LNPEP: variants seen among roughly 807,000 people sequenced by gnomAD.
The protein encoded by LNPEP is leucyl and cystinyl aminopeptidase.
LNPEP carries 64 observed loss-of-function variants against 120.6 expected under a neutral mutation model. The ratio of observed to expected loss-of-function variants is 0.53; its 90% CI spans 0.43 to 0.65. LNPEP has a LOEUF of 0.65. Among genes scored for constraint, LNPEP ranks in the 30% least tolerant of loss-of-function variants. The probability of loss-of-function intolerance (pLI) is 0.00; values close to 1 mark genes in which losing one functional copy is unlikely to be tolerated. For synonymous variants in LNPEP, 435 were observed against 425.4 expected, an observed-to-expected ratio of 1.02 and a Z score of -0.28; for missense variants, 1,057 against 1,200.0, an observed-to-expected ratio of 0.88 and a Z score of 1.76.
At chr5:96,993,417 C>T (rs1350974192) in intron 5 of LNPEP, among the ~76,000 whole-genome samples, 1 of 152,070 alleles carries the variant, frequency 6.6e-6, no homozygotes. Flanking sequence ...TTCTAACTTC[C>T]AAGAAATACC....
At chr5:96,976,246 A>G (rs1789990433) in intron 1 of LNPEP, among the ~76,000 whole-genome samples, 1 of 140,570 alleles carries the variant, frequency 7.1e-6, no homozygotes, top group African/African-American at 2.5e-5. Context: ...TTGTGCATAC[A>G]AAAAAAAAAC....
At chr5:96,981,736 C>T (rs1008818175) in intron 2 of LNPEP, among the ~76,000 whole-genome samples, 1 of 152,098 alleles carries the variant, frequency 6.6e-6, no homozygotes, top group African/African-American at 2.4e-5. Flanking sequence ...GGGAACTTAC[C>T]TTTACCCATG....
chr5:96,999,370 G>A (rs1156274710), intron 8 of LNPEP, among the ~76,000 whole-genome samples: 1 of 152,154 alleles, frequency 6.6e-6, no homozygotes, highest in African/African-American at 2.4e-5. Context: ...AAGTATTAGT[G>A]ACAGGGTAAG....
At position 96,983,967 on chromosome 5, in the gene LNPEP, TTCTTAATAA is replaced by T. The variant is rs372123710; in HGVS notation, c.861-1108_861-1100del. Among the ~76,000 whole-genome samples the T allele has an allele frequency of 9.1e-3, 1,388 of 152,304 alleles. 23 individuals are homozygous for T. The highest frequency in any genetic ancestry group is 0.031 in the African/African-American group (1,305 of 41,556). ...AATTCGCAGCAATTAATGACCACCC[TTCTTAATAA>T]TCTTCCATCAGAAACCTTTTTAAGA... On this transcript the variant is annotated intron_variant, in intron 2 of 17. Coordinates refer to ENST00000231368, the MANE Select transcript of LNPEP (RefSeq NM_005575.3).
intron 1 of LNPEP, 147 bp from the exon 2 acceptor site, chr5:96,978,991 A>T: frequency 2.5e-6 from 2 of 792,976 alleles, no homozygotes. Flanking sequence ...CATCTTATTT[A>T]ATTCAGTAGC....
At chr5:96,969,009 G>C (rs1789796044) in intron 1 of LNPEP, among the ~76,000 whole-genome samples, 1 of 152,032 alleles carries the variant, frequency 6.6e-6, no homozygotes, top group Non-Finnish European at 1.5e-5. Context: ...GTTTCACATA[G>C]CTGTGACCTG....
At chr5:97,012,323 C>T (rs1790951786) in intron 11 of LNPEP, among the ~76,000 whole-genome samples, 2 of 152,078 alleles carry the variant, frequency 1.3e-5, no homozygotes, top group Admixed American at 1.3e-4. Context: ...ATGCTATCAT[C>T]GTCTGAGTTT....
chr5:96,936,349 GGGC>G, intron 1 of LNPEP, 175 bp downstream of exon 1: 1 of 450,858 alleles, frequency 2.2e-6, no homozygotes, highest in Non-Finnish European at 3.7e-6. Context: ...TTCGGGGGGC[GGGC>G]GGCGGCCAGT....
At chr5:96,970,885 T>C (rs549210858) in intron 1 of LNPEP, among the ~76,000 whole-genome samples, 1 of 152,162 alleles carries the variant, frequency 6.6e-6, no homozygotes, top group South Asian at 2.1e-4. Context: ...TTAAAGATAG[T>C]CTTTTAAGGA....
chr5:96,958,454 C>G, intron 1 of LNPEP: 1 of 985,444 alleles, frequency 1.0e-6, no homozygotes, highest in Non-Finnish European at 1.2e-6. Flanking sequence ...TGGGCAAGCT[C>G]CTAACTCCAC....
chr5:96,999,678 A>G (rs763605280), intron 8 of LNPEP, among the ~76,000 whole-genome samples: 3 of 152,182 alleles, frequency 2.0e-5, no homozygotes, highest in Non-Finnish European at 1.5e-5. Flanking sequence ...GTCATAACAG[A>G]GTTCTGTCTG....
chr5:96,989,266 GAT>G (rs1335689158), intron 4 of LNPEP, among the ~76,000 whole-genome samples: 4 of 135,728 alleles, frequency 2.9e-5, no homozygotes, highest in African/African-American at 8.2e-5. Flanking sequence ...GTGTATATAT[GAT>G]ATATATATTA....
At chr5:96,960,020 C>T (rs1338132494) in intron 1 of LNPEP, among the ~76,000 whole-genome samples, 1 of 147,764 alleles carries the variant, frequency 6.8e-6, no homozygotes, top group African/African-American at 2.5e-5. Context: ...CTCACCACAA[C>T]CTCTGCCTCC....
At chr5:96,946,220 A>T (rs79614094) in intron 1 of LNPEP, among the ~76,000 whole-genome samples, 5,714 of 152,360 alleles carry the variant, frequency 0.038, 186 homozygotes, top group Middle Eastern at 0.11. Flanking sequence ...ACTCAAACTG[A>T]ACAATAGAGT....
In LNPEP at chr5:97,007,734, C is replaced by A. The variant is rs187823035; in HGVS notation, c.2035+1219C>A. Among the ~76,000 whole-genome samples the A allele has an allele frequency of 1.5e-3, 235 of 152,178 alleles. 1 individual carries two copies. The highest frequency in any genetic ancestry group is 5.3e-3 in the African/African-American group (222 of 41,508). ...CATATATAGTAATTGACTTAACCTA[C>A]TTGATTCACCATTTGTTGTTATAAA... On this transcript the variant is annotated intron_variant, in intron 11 of 17. Transcript: ENST00000231368.
At chr5:97,008,955 T>G (rs1029409931) in intron 11 of LNPEP, among the ~76,000 whole-genome samples, 3 of 152,066 alleles carry the variant, frequency 2.0e-5, no homozygotes, top group African/African-American at 4.8e-5. Context: ...CCCACCCTCC[T>G]CTTTACTCTT....
At chr5:97,017,166 T>C (rs1791086965) in intron 13 of LNPEP, among the ~76,000 whole-genome samples, 1 of 152,198 alleles carries the variant, frequency 6.6e-6, no homozygotes, top group South Asian at 2.1e-4. Flanking sequence ...TTTTTTATTT[T>C]AGCCATGTGG....
intron 13 of LNPEP, among the ~76,000 whole-genome samples, chr5:97,015,851 G>C (rs1312288670): frequency 6.6e-6 from 1 of 152,052 alleles, no homozygotes; most frequent in Non-Finnish European, 1.5e-5. Flanking sequence ...TGGGGTTTTG[G>C]TATTCTCATT....
At chr5:97,011,141 T>C (rs1338110342) in intron 11 of LNPEP, 1 of 985,230 alleles carries the variant, frequency 1.0e-6, no homozygotes, top group Non-Finnish European at 1.2e-6. Flanking sequence ...GGAACAATTG[T>C]CATAGCCATC....
Sources: gnomAD v4.1 joint callset for allele counts (sites outside exome capture counted in the v4.1 genomes callset) on GRCh38, gnomAD v4.1.1 for gene constraint, MANE v1.5 for transcripts, NCBI Gene and HGNC (gene_info 2026-07-23, HGNC 2026-07-21) for gene names.